The following NASP variants were observed in gnomAD, a reference collection of about 807,000 sequenced individuals.
NASP encodes the protein nuclear autoantigenic sperm protein, also known as NASP histone chaperone.
A neutral mutation model predicts 89.5 loss-of-function variants in NASP; 24 were observed. The ratio of observed to expected loss-of-function variants is 0.27; its 90% CI spans 0.19 to 0.38. The LOEUF (loss-of-function observed/expected upper bound fraction) is 0.38, where lower values mean the gene tolerates loss of function less well. Ranked by LOEUF, NASP falls within the 10% of genes least tolerant of loss-of-function variation. The pLI is 1.00. For missense variants in NASP, 848 were observed against 921.4 expected (o/e 0.92, Z 1.03); for synonymous variants, 306 against 324.7 (o/e 0.94, Z 0.62).
intron 11 of NASP, among the ~76,000 whole-genome samples, chr1:45,616,082 T>C (rs1644100809): frequency 6.6e-6 from 1 of 152,226 alleles, no homozygotes; most frequent in African/African-American, 2.4e-5. Context: ...TGGTTCTGTT[T>C]TTGGCACAGA....
At chr1:45,609,840 A>C (rs983701796) in intron 6 of NASP, 4 of 152,160 alleles carry the variant, frequency 2.6e-5, no homozygotes, top group African/African-American at 4.8e-5. Context: ...TGAATATATT[A>C]TTCTTCCCAA....
At chr1:45,613,083 A>G in intron 6 of NASP, 86 bp from the exon 7 acceptor site, 4 of 1,489,348 alleles carry the variant, frequency 2.7e-6, no homozygotes, top group Non-Finnish European at 3.6e-6. Context: ...CTATCTGAAT[A>G]TAGGTTGAGA....
At chr1:45,599,101 A>T (rs1371079923) in intron 2 of NASP, among the ~76,000 whole-genome samples, 10 of 151,606 alleles carry the variant, frequency 6.6e-5, no homozygotes, top group Non-Finnish European at 1.3e-4. Context: ...CTTTTTTTTT[A>T]AATAGAGAAA....
chr1:45,613,253 GT>G lies in NASP; in HGVS notation c.1506+7del, dbSNP rs755707274. On this transcript the variant is annotated splice_donor_region_variant and intron_variant, in intron 7 of 14. Coordinates refer to ENST00000350030, the MANE Select transcript of NASP (RefSeq NM_002482.4). ...GATTCAGTCCTTGAAAACAAGGTAT[GT>G]TGTTAGCCACTCAGTACTGTTGTCA... 10 of 1,608,458 alleles carry G rather than the reference GT, an allele frequency of 6.2e-6. No homozygotes were observed. In the Admixed American group the frequency reaches 1.5e-4, roughly 24 times the overall value.
At chr1:45,614,844 GT>G in intron 9 of NASP, 168 bp from the exon 10 acceptor site, 1 of 640,576 alleles carries the variant, frequency 1.6e-6, no homozygotes, top group Non-Finnish European at 2.6e-6. Context: ...GCCTCAGTAG[GT>G]TTTTAAAAGT....
intron 1 of NASP, chr1:45,588,917 C>T (rs562125057): frequency 1.4e-4 from 24 of 173,242 alleles, no homozygotes; most frequent in South Asian, 1.2e-3. Flanking sequence ...TGCGAGACTC[C>T]GTCTCAAAAA....
intron 2 of NASP, among the ~76,000 whole-genome samples, chr1:45,595,785 T>C (rs1339871243): frequency 6.6e-6 from 1 of 152,232 alleles, no homozygotes; most frequent in African/African-American, 2.4e-5. Flanking sequence ...CTGAAGTTTA[T>C]TAATTCTCAG....
rs1276873512 is a variant in NASP, at chr1:45,613,213, G to A, written c.1471G>A (p.Glu491Lys). The A allele has an allele frequency of 1.4e-5, 23 of 1,611,130 alleles. No homozygotes were observed. Among genetic ancestry groups the A allele is most frequent in the Non-Finnish European group, 1.8e-5 (21 of 1,178,564 alleles). The change falls in exon 7 of 15, where the codon GAA (glutamate) becomes AAA (lysine). Residue 491 changes from glutamate (E) to lysine (K), a missense_variant. By Grantham distance (56) the Glu-to-Lys change is moderately conservative. This residue lies in a region of NASP where 464 missense variants were observed against 469.4 expected (regional missense o/e 0.99). Transcript: ENST00000350030. ...GGATGATAAAGAAAATGATAAGACC[G>A]AAGAAATGCCAAATGATTCAGTCCT... ...EEDDKENDKT[E>K]EMPNDSVLEN... is the part of the protein sequence containing the mutation.
chr1:45,607,551 A>G lies in NASP; in HGVS notation c.640A>G (p.Lys214Glu). ...DWLTETSEEAKGGAAPEGPNE... is the reference protein window; with the variant it reads ...DWLTETSEEAEGGAAPEGPNE... ...GTTAACTGAAACCTCTGAAGAGGCA[A>G]AAGGAGGAGCAGCACCAGAAGGACC... Residue 214 changes from lysine to glutamate, a missense_variant, in exon 6 of 15, where the codon AAA becomes GAA. By Grantham distance (56) the Lys-to-Glu change is moderately conservative (BLOSUM62 1). Around this residue, in one of 5 missense-constraint regions of NASP, gnomAD observed 464 missense variants for 469.4 expected, o/e 0.99. Transcript: ENST00000350030. 6.2e-7 allele frequency: 1 copy of G among 1,614,044 alleles called. No individual in the cohort carries two copies. The highest frequency in any genetic ancestry group is 1.7e-4 in the Middle Eastern group (1 of 6,046).
At chr1:45,616,255 GATGGTGATGGGTTCCTGTTACA>G in intron 11 of NASP, 60 bp from the exon 12 acceptor site, 1 of 1,278,572 alleles carries the variant, frequency 7.8e-7, no homozygotes, top group Non-Finnish European at 1.1e-6. Flanking sequence ...CAGTTGTTTG[GATGGTGATGGGTTCCTGTTACA>G]AGGCTGTGGG....
chr1:45,594,045 G>T (rs1218376573), intron 2 of NASP, among the ~76,000 whole-genome samples: 3 of 151,326 alleles, frequency 2.0e-5, no homozygotes, highest in Admixed American at 6.6e-5. Flanking sequence ...AAAAAGGAAA[G>T]AAACAAAATA....
rs1286007793 is a variant in NASP at position 45,587,680 on chromosome 1, AT to A, written c.59+3476del. ...TTTTTTCATATATATATATATATAT[AT>A]ATATATAATTAATTTTTTGGAGAGA... On this transcript the variant is annotated intron_variant, in intron 1 of 14. Transcript: ENST00000350030. Among the ~76,000 whole-genome samples, 204 of 95,808 alleles carry A rather than the reference AT, an allele frequency of 2.1e-3. 13 individuals carry two copies. The highest frequency in any genetic ancestry group is 0.017 in the Admixed American group (144 of 8,414). 62.9% of individuals were successfully genotyped at this position (95,808 alleles called of 152,430 possible). A position where few individuals can be genotyped will look rare whatever the true frequency, so the allele number is the denominator to read the frequency against.
Position 45,604,966 on chromosome 1 carries a change from G to A in NASP, c.249G>A (p.Glu83=). The A allele has an allele frequency of 6.2e-7, 1 of 1,613,070 alleles. No individual in the cohort carries two copies. The highest frequency in any genetic ancestry group is 8.5e-7 in the Non-Finnish European group (1 of 1,179,154). The change falls in exon 4 of 15, where the codon GAG becomes GAA. Residue 83 remains glutamate, a synonymous_variant. Coordinates refer to ENST00000350030, the MANE Select transcript of NASP (RefSeq NM_002482.4). ...AGAAGTATGGAGAGACAGCTAATGA[G>A]TGTGGAGAAGCCTTCTTTTTCTATG... ...LGKKYGETAN[E]CGEAFFFYGK...
chr1:45,616,396 G>T lies in NASP; in HGVS notation c.2079+3G>T. 6.2e-7 allele frequency: 1 copy of T among 1,613,942 alleles called. No individual in the cohort carries two copies. The highest frequency in any genetic ancestry group is 1.1e-5 in the South Asian group (1 of 91,076). ...GAGGAGGCTCTTCAGTCTCCATGGT[G>T]CGTATTCAGGTGGTTTTTTGGTCAC... is the stretch of plus-strand genomic sequence containing the variant. On this transcript the variant is annotated splice_donor_region_variant and intron_variant, in intron 12 of 14. Transcript: ENST00000350030.
Position 45,616,193 on chromosome 1 carries a change from CA to C in NASP, c.2023-143del, listed in dbSNP as rs1414915820. 1.7e-5 allele frequency: 12 copies of C among 717,368 alleles called. No individual in the cohort carries two copies. In the African/African-American group the frequency reaches 1.9e-4, roughly 12 times the overall value. The allele number at this position is 717,368 out of a possible 1,614,324, so 44.4% of individuals were successfully genotyped here. A position where few individuals can be genotyped will look rare whatever the true frequency, so the allele number is the denominator to read the frequency against. ...GGCTGCTAGACAGGCATAGGTGGGC[CA>C]GGGGTAGAACTGGATACTATATGGA... On this transcript the variant is annotated intron_variant, in intron 11 of 14. Coordinates refer to ENST00000350030, the MANE Select transcript of NASP (RefSeq NM_002482.4).
intron 2 of NASP, among the ~76,000 whole-genome samples, chr1:45,599,903 T>C (rs1456404937): frequency 3.9e-5 from 6 of 152,148 alleles, no homozygotes; most frequent in Non-Finnish European, 8.8e-5. Flanking sequence ...AAGCTTCTTT[T>C]AGAGCTTTGA....
chr1:45,601,733 G>A (rs1032081349), intron 2 of NASP, among the ~76,000 whole-genome samples: 2 of 142,838 alleles, frequency 1.4e-5, no homozygotes, highest in Non-Finnish European at 3.0e-5. Flanking sequence ...GATTAGATGA[G>A]CCGTTAAGAG....
chr1:45,589,563 A>G (rs1009126120), intron 1 of NASP, among the ~76,000 whole-genome samples: 1 of 152,146 alleles, frequency 6.6e-6, no homozygotes, highest in African/African-American at 2.4e-5. Context: ...CCATAGCTTC[A>G]TAGTTGTAAA....
chr1:45,617,921 TG>T, intron 14 of NASP, 139 bp from the exon 15 acceptor site: 1 of 700,916 alleles, frequency 1.4e-6, no homozygotes, highest in Non-Finnish European at 2.4e-6. Flanking sequence ...AAATACTTTG[TG>T]GTCACTGCCC....
Sources: gnomAD v4.1 joint callset for allele counts (sites outside exome capture counted in the v4.1 genomes callset) on GRCh38, gnomAD v4.1.1 for gene constraint, gnomAD v4.1.1 regional missense constraint, MANE v1.5 for transcripts, NCBI Gene and HGNC (gene_info 2026-07-23, HGNC 2026-07-21) for gene names.